The following ZNF487 variants were observed in gnomAD, a reference collection of about 807,000 sequenced individuals.
ZNF487 encodes the protein zinc finger protein 487.
In ZNF487, 4 loss-of-function variants were observed where a neutral mutation model predicts 3.0. That is an observed-to-expected ratio of 1.35 (90% confidence interval 0.66 to 3.08). The LOEUF (loss-of-function observed/expected upper bound fraction) is 3.08. Ranked by LOEUF, ZNF487 falls within the 30% of genes most tolerant of loss-of-function variation. The pLI, the probability that ZNF487 is intolerant of heterozygous loss-of-function variation, is 0.01. For missense variants in ZNF487, 146 were observed against 98.7 expected, an observed-to-expected ratio of 1.48 and a Z score of -2.03; for synonymous variants, 55 against 34.6, an observed-to-expected ratio of 1.59 and a Z score of -2.06.
At chr10:43,477,743 G>A (rs1588743251) in intron 3 of ZNF487, among the ~76,000 whole-genome samples, 1 of 151,000 alleles carries the variant, frequency 6.6e-6, no homozygotes, top group African/African-American at 2.4e-5. Flanking sequence ...CCTGAGGTCA[G>A]GAGTTCGAGA....
the ZNF487 span, among the ~76,000 whole-genome samples, chr10:43,514,535 A>C: frequency 6.6e-6 from 1 of 152,180 alleles, no homozygotes; most frequent in African/African-American, 2.4e-5. Context: ...TAGGCTTCCT[A>C]TCACTTTCAC....
intron 1 of ZNF487, among the ~76,000 whole-genome samples, chr10:43,438,650 G>A (rs887394366): frequency 6.6e-6 from 1 of 152,108 alleles, no homozygotes; most frequent in Admixed American, 6.6e-5. Context: ...AAATGAAAGC[G>A]GGGACTCAGT....
the ZNF487 span, among the ~76,000 whole-genome samples, chr10:43,515,236 T>C: frequency 6.6e-6 from 1 of 152,206 alleles, no homozygotes; most frequent in Non-Finnish European, 1.5e-5. Context: ...GTGTAGTGCA[T>C]ACTCTCAACC....
chr10:43,517,680 G>T, the ZNF487 span, among the ~76,000 whole-genome samples: 3 of 152,282 alleles, frequency 2.0e-5, no homozygotes, highest in Non-Finnish European at 2.9e-5. Flanking sequence ...GCTGCCCATT[G>T]TTCCTTGGGT....
chr10:43,485,597 AC>A, downstream of ZNF487, among the ~76,000 whole-genome samples: 1 of 152,172 alleles, frequency 6.6e-6, no homozygotes, highest in Non-Finnish European at 1.5e-5. Context: ...CTATGAGAAA[AC>A]TCAGTGAATA....
At chr10:43,487,242 C>T (rs550443934), downstream of ZNF487, among the ~76,000 whole-genome samples, 6 of 149,394 alleles carry the variant, frequency 4.0e-5, no homozygotes, top group East Asian at 1.2e-3. Flanking sequence ...CAGGATCAAG[C>T]GATTCTCCTG....
rs1367596982 is a variant in ZNF487, at chr10:43,468,866, G to A, written c.-93-6855G>A. On this transcript the variant is annotated intron_variant, in intron 1 of 3. Coordinates refer to ENST00000437590, the MANE Select transcript of ZNF487 (RefSeq NM_001355444.3). ...TAGCTGGGTGTAGTGGTGGGCGCCTGTAGTCCCAGCTACTCGGGAGGCTGA... is the reference window on the plus strand; with the variant it reads ...TAGCTGGGTGTAGTGGTGGGCGCCTATAGTCCCAGCTACTCGGGAGGCTGA... Among the ~76,000 whole-genome samples the A allele has an allele frequency of 3.3e-5, 5 of 150,800 alleles. No homozygotes were observed. The East Asian group carries it at 9.8e-4, about 30-fold the overall frequency.
At chr10:43,515,920 C>T in the ZNF487 span, among the ~76,000 whole-genome samples, 1 of 152,042 alleles carries the variant, frequency 6.6e-6, no homozygotes. Context: ...GACTACAGGG[C>T]GCACCACCAC....
chr10:43,481,952 A>T lies in ZNF487; in HGVS notation c.*30A>T. The T allele has an allele frequency of 1.6e-6, 1 of 612,526 alleles. No individual in the cohort carries two copies. Among genetic ancestry groups the T allele is most frequent in the Non-Finnish European group, 2.9e-6 (1 of 345,906 alleles). 37.9% of individuals were successfully genotyped at this position (612,526 alleles called of 1,614,324 possible). A position where few individuals can be genotyped will look rare whatever the true frequency, so the allele number is the denominator to read the frequency against. ...AATGAACATGTGAGAGCCTTTTCCG[A>T]TAGACCAATATTCATTGTTCATCAG... On this transcript the variant is annotated 3_prime_UTR_variant, in exon 4 of 4. Coordinates refer to ENST00000437590, the MANE Select transcript of ZNF487 (RefSeq NM_001355444.3).
chr10:43,441,033 A>ATTTTT (rs1839582263), intron 1 of ZNF487, among the ~76,000 whole-genome samples: 1 of 29,130 alleles, frequency 3.4e-5, no homozygotes, highest in Non-Finnish European at 6.5e-5. Flanking sequence ...CACCTGGTTA[A>ATTTTT]ATTTTTTTTT....
At chr10:43,443,442 C>T (rs1183987372) in intron 1 of ZNF487, among the ~76,000 whole-genome samples, 6 of 149,876 alleles carry the variant, frequency 4.0e-5, no homozygotes, top group South Asian at 2.1e-4. Context: ...GGAGCAATCA[C>T]GGCTCACTGA....
chr10:43,510,695 A>G, the ZNF487 span, among the ~76,000 whole-genome samples: 1 of 151,992 alleles, frequency 6.6e-6, no homozygotes, highest in Non-Finnish European at 1.5e-5. Context: ...TTACAGGCAC[A>G]TGCCACCATG....
the ZNF487 span, among the ~76,000 whole-genome samples, chr10:43,513,543 C>T: frequency 2.0e-5 from 3 of 152,156 alleles, no homozygotes; most frequent in African/African-American, 7.2e-5. Context: ...TTGGTAGTAG[C>T]ACTAATCTCC....
Position 43,480,729 on chromosome 10 carries a change from T to TC in ZNF487, c.131-700_131-699insC, listed in dbSNP as rs201590428. On this transcript the variant is annotated intron_variant, in intron 3 of 3. Transcript: ENST00000437590. ...CTGCGCCCACCTCTCTCTCTCTCTC[T>TC]TTTTTTTTTTTAATAATTCAATGGG... Among the ~76,000 whole-genome samples the TC allele has an allele frequency of 3.0e-3, 399 of 134,838 alleles. 1 individual carries two copies. The highest frequency in any genetic ancestry group is 4.9e-3 in the Non-Finnish European group (296 of 60,680). The allele number at this position is 134,838 out of a possible 152,430, so 88.5% of individuals were successfully genotyped here. A position where few individuals can be genotyped will look rare whatever the true frequency, so the allele number is the denominator to read the frequency against.
intron 3 of ZNF487, among the ~76,000 whole-genome samples, chr10:43,480,627 G>C (rs1037156753): frequency 2.6e-5 from 4 of 151,832 alleles, no homozygotes; most frequent in African/African-American, 9.7e-5. Context: ...TGTTGGCCAG[G>C]CTGGTCTGGA....
At chr10:43,523,314 TCAA>T in the ZNF487 span, 2 of 152,406 alleles carry the variant, frequency 1.3e-5, no homozygotes, top group African/African-American at 4.8e-5. Context: ...GCTGGTTTTG[TCAA>T]CAACAAAATA....
intron 1 of ZNF487, among the ~76,000 whole-genome samples, chr10:43,474,611 C>T (rs750524042): frequency 3.9e-5 from 6 of 152,082 alleles, no homozygotes; most frequent in Non-Finnish European, 8.8e-5. Flanking sequence ...GAGACAGAGT[C>T]TAGCTCTGTC....
At chr10:43,474,647 A>T (rs1244744180) in intron 1 of ZNF487, among the ~76,000 whole-genome samples, 1 of 150,906 alleles carries the variant, frequency 6.6e-6, no homozygotes, top group African/African-American at 2.4e-5. Context: ...AAGTGGCGTG[A>T]TCTTGGCTCA....
the ZNF487 span, among the ~76,000 whole-genome samples, chr10:43,522,586 C>G: frequency 6.6e-6 from 1 of 151,686 alleles, no homozygotes; most frequent in South Asian, 2.1e-4. Context: ...ATACAAAAAT[C>G]AGCCAGGCAC....
Sources: gnomAD v4.1 joint callset for allele counts (sites outside exome capture counted in the v4.1 genomes callset) on GRCh38, gnomAD v4.1.1 for gene constraint, MANE v1.5 for transcripts, NCBI Gene and HGNC (gene_info 2026-07-23, HGNC 2026-07-21) for gene names.